The following ARHGEF17 variants were observed in gnomAD, a reference collection of about 807,000 sequenced individuals.
ARHGEF17 encodes Rho guanine nucleotide exchange factor 17, also known as 164 kDa Rho-specific guanine-nucleotide exchange factor.
A neutral mutation model predicts 174.0 loss-of-function variants in ARHGEF17; 80 were observed. The observed-to-expected ratio is 0.46, with a 90% CI of 0.38 to 0.55. The LOEUF (loss-of-function observed/expected upper bound fraction) is 0.55, where lower values mean the gene tolerates loss of function less well. ARHGEF17 is among the 20% of genes least tolerant of loss of function. The pLI, the probability that ARHGEF17 is intolerant of heterozygous loss-of-function variation, is 0.00. For synonymous variants in ARHGEF17, 1,311 were observed against 1,189.1 expected (o/e 1.10, Z -2.11); for missense variants, 2,886 against 2,839.7 (o/e 1.02, Z -0.37).
Position 73,309,595 on chromosome 11 carries a change from C to T in ARHGEF17, c.957C>T (p.Asn319=), listed in dbSNP as rs1864770839. ...ATGGGTTAAATCTAAGCAGCATGAACTCAGCAGGGGTTTCTGGGAGCCCTG... is the reference window on the plus strand; with the variant it reads ...ATGGGTTAAATCTAAGCAGCATGAATTCAGCAGGGGTTTCTGGGAGCCCTG... ...DSDGLNLSSM[N]SAGVSGSPEP... The change falls in exon 1 of 21, where the codon AAC becomes AAT. Residue 319 remains asparagine, a synonymous_variant. Coordinates refer to ENST00000263674, the MANE Select transcript of ARHGEF17 (RefSeq NM_014786.4). 5 of 1,612,790 alleles carry T rather than the reference C, an allele frequency of 3.1e-6. No individual in the cohort carries two copies. In the South Asian group the frequency reaches 3.3e-5, roughly 11 times the overall value.
In ARHGEF17 at chr11:73,362,531, C is replaced by T. The variant is rs757174580; in HGVS notation, c.4793C>T (p.Thr1598Met). ...GCCGCTGCAGACGAGGAAGCCGCGA[C>T]GCTCGCGGAGCCGGGGCCGCAGCCC... ...VEAAADEEAA[T>M]LAEPGPQPCL... Residue 1598 changes from threonine (T) to methionine (M), a missense_variant, in exon 14 of 21, where the codon ACG (threonine) becomes ATG (methionine). Coordinates refer to ENST00000263674, the MANE Select transcript of ARHGEF17 (RefSeq NM_014786.4). 1.9e-6 allele frequency: 3 copies of T among 1,606,476 alleles called. No homozygotes were observed.
At chr11:73,336,269 TACATA>T (rs1368029011) in intron 1 of ARHGEF17, among the ~76,000 whole-genome samples, 1 of 152,192 alleles carries the variant, frequency 6.6e-6, no homozygotes, top group African/African-American at 2.4e-5. Context: ...ATAACAGGAA[TACATA>T]ACTCAGAGGA....
intron 2 of ARHGEF17, among the ~76,000 whole-genome samples, chr11:73,350,090 G>A (rs563093800): frequency 8.5e-5 from 13 of 152,238 alleles, no homozygotes; most frequent in African/African-American, 2.6e-4. Context: ...AGAGACACAT[G>A]TTTATAATTT....
rs114161692 is a variant in ARHGEF17 at position 73,339,584 on chromosome 11, A to G, written c.3193-7299A>G. On this transcript the variant is annotated intron_variant, in intron 1 of 20. Transcript: ENST00000263674. Reference sequence around the variant, plus strand: ...TGGACAGTGCCCAGATGCAGGAGGTATGGGTGGGCTCAGACTGGGTGGTGT... The same window carrying G: ...TGGACAGTGCCCAGATGCAGGAGGTGTGGGTGGGCTCAGACTGGGTGGTGT... 1.6e-3 allele frequency among the ~76,000 whole-genome samples: 240 copies of G among 152,248 alleles called. 1 individual carries two copies. The highest frequency in any genetic ancestry group is 5.4e-3 in the African/African-American group (225 of 41,554).
chr11:73,362,767 TG>T, intron 14 of ARHGEF17, 33 bp downstream of exon 14: 1 of 1,580,748 alleles, frequency 6.3e-7, no homozygotes, highest in Non-Finnish European at 8.6e-7. Context: ...AACTTGGCCT[TG>T]GCAGGCAGGG....
In ARHGEF17 at chr11:73,363,772, A is replaced by T. The variant is rs762404936; in HGVS notation, c.5272A>T (p.Ser1758Cys). The T allele has an allele frequency of 6.2e-7, 1 of 1,614,066 alleles. No individual in the cohort carries two copies. The highest frequency in any genetic ancestry group is 8.5e-7 in the Non-Finnish European group (1 of 1,180,016). The change falls in exon 16 of 21, where the codon AGC becomes TGC. Residue 1758 changes from serine to cysteine, a missense_variant. Coordinates refer to ENST00000263674, the MANE Select transcript of ARHGEF17 (RefSeq NM_014786.4). ...TGTCCACGTGTACCAGTCCTCCGAC[A>T]GCATCCGTGACCGCAGGAACAGCAT... The part of the protein sequence containing the change: ...GCVHVYQSSD[S>C]IRDRRNSMKL...
At position 73,364,253 on chromosome 11, in the gene ARHGEF17, C is replaced by T. The variant is rs1381331691; in HGVS notation, c.5401+14C>T. On this transcript the variant is annotated intron_variant, in intron 17 of 20. Coordinates refer to ENST00000263674, the MANE Select transcript of ARHGEF17 (RefSeq NM_014786.4). ...AAAGGGAAGCAGGTGAGTATCTGCC[C>T]TCCCCCACACCCTGCCCCTGTCCCC... is the stretch of plus-strand genomic sequence containing the variant. 6.2e-7 allele frequency: 1 copy of T among 1,613,726 alleles called. No individual in the cohort carries two copies. Among genetic ancestry groups the T allele is most frequent in the East Asian group, 2.2e-5 (1 of 44,890 alleles).
intron 2 of ARHGEF17, among the ~76,000 whole-genome samples, chr11:73,347,589 C>T (rs908055553): frequency 5.9e-5 from 9 of 152,324 alleles, no homozygotes; most frequent in Admixed American, 2.0e-4. Flanking sequence ...CGGAGGTCTA[C>T]GTGGCCAGCA....
chr11:73,366,011 T>A, intron 20 of ARHGEF17, 64 bp downstream of exon 20: 2 of 1,549,580 alleles, frequency 1.3e-6, no homozygotes, highest in Non-Finnish European at 1.7e-6. Flanking sequence ...CTCCCCACTA[T>A]CCTGCCAGAA....
chr11:73,357,680 T>C (rs755496884), intron 9 of ARHGEF17, among the ~76,000 whole-genome samples: 1 of 152,192 alleles, frequency 6.6e-6, no homozygotes, highest in Non-Finnish European at 1.5e-5. Flanking sequence ...GGTTCAGCGG[T>C]TTCACACACA....
At position 73,311,765 on chromosome 11, in the gene ARHGEF17, C is replaced by A. The variant is rs769247062; in HGVS notation, c.3127C>A (p.Pro1043Thr). 3 of 1,612,532 alleles carry A rather than the reference C, an allele frequency of 1.9e-6. No individual in the cohort carries two copies. Among genetic ancestry groups the A allele is most frequent in the Non-Finnish European group, 2.5e-6 (3 of 1,179,588 alleles). ...ACCGCCCTCTGCTGAGGCCAAGCCC[C>A]CTGAGGCAGCTCGGCCTGCAGATGA... ...AAPPSAEAKP[P>T]EAARPADEPT... Residue 1043 changes from proline (P) to threonine (T), a missense_variant, in exon 1 of 21, where the codon CCT becomes ACT. This residue lies in a region of ARHGEF17 where 1,728 missense variants were observed against 1,461.2 expected (regional missense o/e 1.18). Transcript: ENST00000263674.
intron 1 of ARHGEF17, among the ~76,000 whole-genome samples, chr11:73,317,369 A>C (rs1864945116): frequency 6.6e-6 from 1 of 152,310 alleles, no homozygotes; most frequent in African/African-American, 2.4e-5. Flanking sequence ...TGGCTCCAAT[A>C]GTCCAATAAA....
chr11:73,325,984 C>A (rs2135792898), intron 1 of ARHGEF17, among the ~76,000 whole-genome samples: 1 of 152,386 alleles, frequency 6.6e-6, no homozygotes, highest in South Asian at 2.1e-4. Flanking sequence ...CCTTTTCTAA[C>A]TAGTCTTGGA....
At chr11:73,351,389 C>T (rs549864573) in intron 2 of ARHGEF17, among the ~76,000 whole-genome samples, 6 of 152,284 alleles carry the variant, frequency 3.9e-5, no homozygotes, top group East Asian at 1.9e-4. Context: ...ACAAGCGCAC[C>T]GGCCCCTGAG....
chr11:73,349,585 C>T (rs1221368078), intron 2 of ARHGEF17, among the ~76,000 whole-genome samples: 2 of 152,178 alleles, frequency 1.3e-5, no homozygotes, highest in Admixed American at 6.5e-5. Flanking sequence ...CACTGCACTC[C>T]AGCCTGGGTG....
chr11:73,320,243 G>A (rs913143468), intron 1 of ARHGEF17, among the ~76,000 whole-genome samples: 18 of 152,228 alleles, frequency 1.2e-4, no homozygotes, highest in Admixed American at 5.9e-4. Flanking sequence ...CTCCCCGCAC[G>A]CTGGCTTTCA....
rs764315602 is a variant in ARHGEF17, at chr11:73,311,143, G to A, written c.2505G>A (p.Gly835=). 2 of 1,598,468 alleles carry A rather than the reference G, an allele frequency of 1.3e-6. No homozygotes were observed. The highest frequency in any genetic ancestry group is 1.7e-5 in the Admixed American group (1 of 59,042). Residue 835 remains glycine, a synonymous_variant, in exon 1 of 21, where the codon GGG becomes GGA. Coordinates refer to ENST00000263674, the MANE Select transcript of ARHGEF17 (RefSeq NM_014786.4). The part of the protein sequence containing the change: ...KKSLSDPSRR[G]ELAGPGFEGP... ...CCCTGAGTGACCCCAGCCGCCGTGG[G>A]GAGCTGGCTGGGCCTGGATTCGAGG... is the stretch of plus-strand genomic sequence containing the variant.
rs1864803736 is a variant in ARHGEF17, at chr11:73,310,510, G to A, written c.1872G>A (p.Gly624=). Residue 624 remains glycine (G), a synonymous_variant, in exon 1 of 21, where the codon GGG becomes GGA. Coordinates refer to ENST00000263674, the MANE Select transcript of ARHGEF17 (RefSeq NM_014786.4). The part of the protein sequence containing the change: ...DAPPGSPDWA[G]DVTRGQRSQE... ...CCCCTGGAAGCCCTGACTGGGCAGG[G>A]GATGTGACCCGAGGGCAGCGGTCCC... is the stretch of plus-strand genomic sequence containing the variant. 1.9e-6 allele frequency: 3 copies of A among 1,614,030 alleles called. No individual in the cohort carries two copies. The highest frequency in any genetic ancestry group is 1.1e-5 in the South Asian group (1 of 91,086).
At chr11:73,336,853 T>C (rs1352211375) in intron 1 of ARHGEF17, among the ~76,000 whole-genome samples, 3 of 152,238 alleles carry the variant, frequency 2.0e-5, no homozygotes, top group Non-Finnish European at 4.4e-5. Context: ...AATGCTGGCA[T>C]TTGGCTGGAC....
Sources: gnomAD v4.1 joint callset for allele counts (sites outside exome capture counted in the v4.1 genomes callset) on GRCh38, gnomAD v4.1.1 for gene constraint, gnomAD v4.1.1 regional missense constraint, MANE v1.5 for transcripts, NCBI Gene and HGNC (gene_info 2026-07-23, HGNC 2026-07-21) for gene names.